FAF1: variants seen among roughly 807,000 people sequenced by gnomAD.
The protein encoded by FAF1 is FAS-associated factor 1.
Under a neutral mutation model 92.5 loss-of-function variants are expected in FAF1, and 25 were observed. The ratio of observed to expected loss-of-function variants is 0.27; its 90% CI spans 0.20 to 0.38. FAF1 has a LOEUF of 0.38. FAF1 is among the 10% of genes least tolerant of loss of function. FAF1 has a pLI of 1.00. For missense variants in FAF1, 636 were observed against 793.3 expected, an observed-to-expected ratio of 0.80 and a Z score of 2.38; for synonymous variants, 234 against 273.2, an observed-to-expected ratio of 0.86 and a Z score of 1.42.
chr1:50,555,293 ACC>A (rs71812010), intron 13 of FAF1, among the ~76,000 whole-genome samples: 21,044 of 150,802 alleles, frequency 0.14, 2,550 homozygotes, highest in African/African-American at 0.33. Context: ...ACACACACAC[ACC>A]CCCCAAAATA....
intron 7 of FAF1, among the ~76,000 whole-genome samples, chr1:50,673,087 G>A (rs528904277): frequency 2.0e-5 from 3 of 152,134 alleles, no homozygotes; most frequent in South Asian, 2.1e-4. Flanking sequence ...GTGAAACACC[G>A]TATCTACTAA....
chr1:50,444,412 C>T (rs996618659), intron 18 of FAF1, among the ~76,000 whole-genome samples: 1 of 152,156 alleles, frequency 6.6e-6, no homozygotes, highest in Admixed American at 6.5e-5. Flanking sequence ...GCTGTGTCAG[C>T]CCTCTTTGAA....
chr1:50,584,417 G>A (rs1651128984), intron 10 of FAF1, among the ~76,000 whole-genome samples: 1 of 152,120 alleles, frequency 6.6e-6, no homozygotes, highest in Non-Finnish European at 1.5e-5. Context: ...GGTTTAAAGA[G>A]AGACAGTCAT....
chr1:50,894,330 A>C (rs1306444222), intron 1 of FAF1, among the ~76,000 whole-genome samples: 3 of 147,048 alleles, frequency 2.0e-5, no homozygotes, highest in Non-Finnish European at 4.5e-5. Context: ...AAAAAAAAAA[A>C]CTCCAAGGGC....
chr1:50,851,693 A>C (rs1464502837), intron 2 of FAF1, among the ~76,000 whole-genome samples: 9 of 152,180 alleles, frequency 5.9e-5, no homozygotes, highest in Non-Finnish European at 1.5e-5. Flanking sequence ...TATAAAACAG[A>C]TGTTTCTTTC....
At chr1:50,508,151 C>A (rs1470017299) in intron 15 of FAF1, among the ~76,000 whole-genome samples, 1 of 152,170 alleles carries the variant, frequency 6.6e-6, no homozygotes. Flanking sequence ...TAAAATGGTG[C>A]AGCCTCTCTA....
At chr1:50,506,497 G>A (rs954686492) in intron 15 of FAF1, among the ~76,000 whole-genome samples, 3 of 152,058 alleles carry the variant, frequency 2.0e-5, no homozygotes, top group South Asian at 2.1e-4. Context: ...CTAAGTGTCC[G>A]CTCTAAGCAA....
At chr1:50,738,788 G>A (rs1659241876) in intron 6 of FAF1, 75 bp downstream of exon 6, 1 of 921,348 alleles carries the variant, frequency 1.1e-6, no homozygotes, top group Non-Finnish European at 1.7e-6. Flanking sequence ...TAATTTTGAG[G>A]TTTATATACA....
At chr1:50,577,301 G>A (rs1291569019) in intron 12 of FAF1, among the ~76,000 whole-genome samples, 4 of 152,204 alleles carry the variant, frequency 2.6e-5, no homozygotes, top group African/African-American at 9.6e-5. Flanking sequence ...GAGGCGGGTG[G>A]ATCACCTGAG....
intron 8 of FAF1, among the ~76,000 whole-genome samples, chr1:50,605,138 T>G (rs1036855622): frequency 4.6e-5 from 7 of 152,164 alleles, no homozygotes; most frequent in African/African-American, 9.7e-5. Flanking sequence ...TTGTTTGTTT[T>G]TTTAATCTTC....
chr1:50,847,100 T>C (rs1252365312), intron 2 of FAF1, among the ~76,000 whole-genome samples: 1 of 152,156 alleles, frequency 6.6e-6, no homozygotes, highest in Non-Finnish European at 1.5e-5. Context: ...AGTGAGGACT[T>C]TTCCCCTTAC....
At chr1:50,779,319 T>C (rs945136015) in intron 4 of FAF1, among the ~76,000 whole-genome samples, 1 of 152,216 alleles carries the variant, frequency 6.6e-6, no homozygotes, top group Non-Finnish European at 1.5e-5. Context: ...TCATGAGTGT[T>C]CTTCATGGTA....
chr1:50,489,857 T>A (rs1482731207), intron 17 of FAF1, among the ~76,000 whole-genome samples: 1 of 151,656 alleles, frequency 6.6e-6, no homozygotes, highest in Non-Finnish European at 1.5e-5. Context: ...ATTCTTAGGG[T>A]GAAACAATAT....
At chr1:50,709,723 C>T (rs1657838777) in intron 6 of FAF1, among the ~76,000 whole-genome samples, 1 of 152,164 alleles carries the variant, frequency 6.6e-6, no homozygotes, top group Non-Finnish European at 1.5e-5. Flanking sequence ...ACAAGGTGAA[C>T]AAGACTCCTG....
intron 2 of FAF1, among the ~76,000 whole-genome samples, chr1:50,840,000 G>A (rs893809442): frequency 2.0e-4 from 30 of 151,728 alleles, no homozygotes; most frequent in African/African-American, 7.3e-4. Context: ...AATAAGGAAG[G>A]AATAAGCTTT....
intron 16 of FAF1, among the ~76,000 whole-genome samples, chr1:50,491,496 T>C (rs1418810186): frequency 6.6e-6 from 1 of 152,228 alleles, no homozygotes; most frequent in Non-Finnish European, 1.5e-5. Context: ...ACAAATGAGA[T>C]AGATACTAGG....
At chr1:50,954,807 T>C (rs1031929669) in intron 1 of FAF1, among the ~76,000 whole-genome samples, 2 of 152,106 alleles carry the variant, frequency 1.3e-5, no homozygotes, top group Non-Finnish European at 2.9e-5. Flanking sequence ...CCTCCCAAGG[T>C]GCTGAAATTA....
At chr1:50,629,473 G>C (rs1433273972) in intron 8 of FAF1, among the ~76,000 whole-genome samples, 1 of 152,058 alleles carries the variant, frequency 6.6e-6, no homozygotes, top group African/African-American at 2.4e-5. Context: ...CTGGCCTCCA[G>C]ATAAGATTCT....
At chr1:50,613,838 C>T (rs1262253871) in intron 8 of FAF1, among the ~76,000 whole-genome samples, 1 of 152,054 alleles carries the variant, frequency 6.6e-6, no homozygotes, top group African/African-American at 2.4e-5. Context: ...GTGGCTCACA[C>T]CTGTAACCCC....
Sources: gnomAD v4.1 joint callset for allele counts (sites outside exome capture counted in the v4.1 genomes callset) on GRCh38, gnomAD v4.1.1 for gene constraint, MANE v1.5 for transcripts, NCBI Gene and HGNC (gene_info 2026-07-23, HGNC 2026-07-21) for gene names.